PRIMPOL: variants seen among roughly 807,000 people sequenced by gnomAD.
The protein encoded by PRIMPOL is primase and DNA directed polymerase.
In PRIMPOL, 54 loss-of-function variants were observed where a neutral mutation model predicts 63.6. That is an observed-to-expected ratio of 0.85 (90% confidence interval 0.68 to 1.07). The LOEUF (loss-of-function observed/expected upper bound fraction) is 1.07, where lower values mean the gene tolerates loss of function less well. Ranked by LOEUF, PRIMPOL falls within the 50% of genes least tolerant of loss-of-function variation. The pLI is 0.00. For synonymous variants in PRIMPOL, 197 were observed against 220.2 expected, an observed-to-expected ratio of 0.89 and a Z score of 0.93; for missense variants, 610 against 648.3, an observed-to-expected ratio of 0.94 and a Z score of 0.64.
intron 6 of PRIMPOL, among the ~76,000 whole-genome samples, chr4:184,670,721 T>C (rs1350651835): frequency 6.6e-6 from 1 of 151,990 alleles, no homozygotes; most frequent in African/African-American, 2.4e-5. Flanking sequence ...CTAATTTTTG[T>C]ATTTTTAGTA....
At chr4:184,694,125 C>A in intron 13 of PRIMPOL, 1 of 650,718 alleles carries the variant, frequency 1.5e-6, no homozygotes, top group Non-Finnish European at 1.9e-6. Context: ...TCCATGTTTA[C>A]GATTTGCTAA....
Position 184,691,573 on chromosome 4 carries a change from A to C in PRIMPOL, c.1370A>C (p.Lys457Thr). ...CCTGTATGTAAAGCAGAAAACTTCAAATCTGACTGTAAGTTACTAATTTTT... is the reference window on the plus strand; with the variant it reads ...CCTGTATGTAAAGCAGAAAACTTCACATCTGACTGTAAGTTACTAATTTTT... ...HDPVCKAENFKSDCFPLPAEV... is the reference protein window; with the variant it reads ...HDPVCKAENFTSDCFPLPAEV... Residue 457 changes from lysine (K) to threonine (T), a missense_variant, in exon 12 of 14, where the codon AAA becomes ACA. Coordinates refer to ENST00000314970, the MANE Select transcript of PRIMPOL (RefSeq NM_152683.4). The C allele has an allele frequency of 6.2e-7, 1 of 1,607,752 alleles. No individual in the cohort carries two copies.
At chr4:184,679,651 G>A (rs1353406656) in intron 8 of PRIMPOL, among the ~76,000 whole-genome samples, 3 of 152,138 alleles carry the variant, frequency 2.0e-5, no homozygotes. Flanking sequence ...AGTGGTCTGT[G>A]GTGGGAACTG....
Position 184,672,269 on chromosome 4 carries a change from AT to A in PRIMPOL, c.658del (p.Ser220GlnfsTer47). On this transcript the variant is annotated frameshift_variant, in exon 7 of 14. Transcript: ENST00000314970. LOFTEE classifies it high-confidence loss of function. ...APETTGHGFP[H>X]FSEAPARQGF... ...GAGACAACAGGCCATGGATTTCCCC[AT>A]TTTTCAGAAGCACCTGCAAGACAAG... The A allele has an allele frequency of 6.2e-7, 1 of 1,614,104 alleles. No individual in the cohort carries two copies. Among genetic ancestry groups the A allele is most frequent in the Non-Finnish European group, 8.5e-7 (1 of 1,180,038 alleles).
chr4:184,653,402 G>C (rs1035070206), intron 2 of PRIMPOL, among the ~76,000 whole-genome samples: 1 of 152,102 alleles, frequency 6.6e-6, no homozygotes, highest in African/African-American at 2.4e-5. Flanking sequence ...TTTCTAGCTT[G>C]ACCCCCTTTG....
intron 7 of PRIMPOL, among the ~76,000 whole-genome samples, chr4:184,675,624 C>G (rs1753088896): frequency 6.6e-6 from 1 of 152,108 alleles, no homozygotes. Context: ...CAAGACCAGC[C>G]TGACCAACGT....
chr4:184,686,454 A>C (rs1458886010), intron 11 of PRIMPOL, among the ~76,000 whole-genome samples: 1 of 152,228 alleles, frequency 6.6e-6, no homozygotes, highest in Non-Finnish European at 1.5e-5. Context: ...ACAGCATGGT[A>C]CTGAGGGAAC....
intron 3 of PRIMPOL, 100 bp from the exon 4 acceptor site, chr4:184,659,240 A>G (rs2150044021): frequency 3.5e-6 from 3 of 846,170 alleles, no homozygotes; most frequent in East Asian, 5.0e-5. Context: ...CAGTTTCTGA[A>G]AACTTGAATG....
intron 13 of PRIMPOL, among the ~76,000 whole-genome samples, chr4:184,694,048 GATACA>G (rs1267092150): frequency 2.0e-5 from 3 of 152,132 alleles, no homozygotes; most frequent in Non-Finnish European, 2.9e-5. Flanking sequence ...TAAAATAATT[GATACA>G]ATACTATTAT....
At chr4:184,683,550 A>C (rs764990322) in intron 9 of PRIMPOL, among the ~76,000 whole-genome samples, 1 of 152,238 alleles carries the variant, frequency 6.6e-6, no homozygotes, top group Non-Finnish European at 1.5e-5. Context: ...TCTTCTGTCC[A>C]TGATCAAAGG....
intron 11 of PRIMPOL, among the ~76,000 whole-genome samples, chr4:184,687,336 G>A (rs1757245470): frequency 6.6e-6 from 1 of 152,120 alleles, no homozygotes; most frequent in African/African-American, 2.4e-5. Flanking sequence ...CTCCCAAAGT[G>A]CTGGGATTAC....
At chr4:184,680,315 G>A (rs1408076270) in intron 8 of PRIMPOL, among the ~76,000 whole-genome samples, 2 of 152,074 alleles carry the variant, frequency 1.3e-5, no homozygotes, top group Non-Finnish European at 2.9e-5. Context: ...AGCCTCCCAA[G>A]TAGCTGGGAC....
chr4:184,667,465 C>T (rs1440289116), intron 6 of PRIMPOL, among the ~76,000 whole-genome samples: 1 of 152,198 alleles, frequency 6.6e-6, no homozygotes, highest in South Asian at 2.1e-4. Context: ...CGTGTGCCAC[C>T]ATGCCCGGCT....
chr4:184,685,734 A>C, intron 11 of PRIMPOL, 50 bp downstream of exon 11: 1 of 786,218 alleles, frequency 1.3e-6, no homozygotes, highest in South Asian at 2.3e-5. Flanking sequence ...TATATTTTAA[A>C]TATTTATAAC....
At chr4:184,693,192 A>G (rs1343755733) in intron 13 of PRIMPOL, among the ~76,000 whole-genome samples, 1 of 152,234 alleles carries the variant, frequency 6.6e-6, no homozygotes, top group South Asian at 2.1e-4. Flanking sequence ...AACTGGACAT[A>G]AAATAACTGA....
At chr4:184,656,357 T>C (rs1011607737) in intron 2 of PRIMPOL, among the ~76,000 whole-genome samples, 1 of 152,200 alleles carries the variant, frequency 6.6e-6, no homozygotes, top group Non-Finnish European at 1.5e-5. Flanking sequence ...GTGGCTGATT[T>C]GGCTGTTTTT....
chr4:184,655,350 G>T (rs529404817), intron 2 of PRIMPOL, among the ~76,000 whole-genome samples: 1 of 142,938 alleles, frequency 7.0e-6, no homozygotes, highest in East Asian at 2.0e-4. Flanking sequence ...TTGAGATGGA[G>T]TCTTGCCCTG....
At chr4:184,660,833 G>A (rs542290071) in intron 4 of PRIMPOL, among the ~76,000 whole-genome samples, 2 of 152,252 alleles carry the variant, frequency 1.3e-5, no homozygotes, top group South Asian at 4.1e-4. Flanking sequence ...CAAATTACTA[G>A]AAGTCCTTAA....
intron 6 of PRIMPOL, among the ~76,000 whole-genome samples, chr4:184,671,719 A>G (rs969655477): frequency 6.7e-6 from 1 of 150,140 alleles, no homozygotes; most frequent in African/African-American, 2.5e-5. Flanking sequence ...AGTGGCATAT[A>G]ACAATTTATA....
Sources: gnomAD v4.1 joint callset for allele counts (sites outside exome capture counted in the v4.1 genomes callset) on GRCh38, gnomAD v4.1.1 for gene constraint, MANE v1.5 for transcripts, NCBI Gene and HGNC (gene_info 2026-07-23, HGNC 2026-07-21) for gene names.